Variants in IGF2BP3 observed in about 807,000 individuals in gnomAD.
The protein encoded by IGF2BP3 is insulin like growth factor 2 mRNA binding protein 3.
In IGF2BP3, 9 loss-of-function variants were observed where a neutral mutation model predicts 73.8. The ratio of observed to expected loss-of-function variants is 0.12; its 90% CI spans 0.07 to 0.21. The LOEUF (loss-of-function observed/expected upper bound fraction) is 0.21. IGF2BP3 is among the 10% of genes least tolerant of loss of function. The pLI, the probability that IGF2BP3 is intolerant of heterozygous loss-of-function variation, is 1.00. For synonymous variants in IGF2BP3, 258 were observed against 256.7 expected (o/e 1.01, Z -0.05); for missense variants, 542 against 714.0 (o/e 0.76, Z 2.75).
intron 3 of IGF2BP3, among the ~76,000 whole-genome samples, chr7:23,379,226 G>A (rs1785829075): frequency 6.6e-6 from 1 of 152,166 alleles, no homozygotes; most frequent in South Asian, 2.1e-4. Flanking sequence ...AGTTCTACAA[G>A]GCAAACCAAG....
chr7:23,415,105 G>A (rs1000127672), intron 3 of IGF2BP3: 19 of 206,820 alleles, frequency 9.2e-5, no homozygotes, highest in African/African-American at 3.7e-4. Context: ...AGCAGGTCCC[G>A]TCCGTCAGTC....
At chr7:23,394,667 T>G (rs560853462) in intron 3 of IGF2BP3, 1 of 152,230 alleles carries the variant, frequency 6.6e-6, no homozygotes, top group Non-Finnish European at 1.5e-5. Flanking sequence ...GCAGGCTCCA[T>G]CATGCGCTAC....
intron 6 of IGF2BP3, among the ~76,000 whole-genome samples, chr7:23,350,059 G>A (rs775847013): frequency 6.6e-6 from 1 of 152,230 alleles, no homozygotes; most frequent in African/African-American, 2.4e-5. Context: ...CAAAGCAGGG[G>A]AAGGCAGGAT....
intron 5 of IGF2BP3, among the ~76,000 whole-genome samples, chr7:23,354,232 A>T (rs1248956676): frequency 3.9e-5 from 6 of 152,186 alleles, no homozygotes; most frequent in African/African-American, 1.4e-4. Context: ...ACCTCAGGTG[A>T]TCCACCCACC....
At chr7:23,372,317 C>CA (rs958025818) in intron 3 of IGF2BP3, among the ~76,000 whole-genome samples, 2 of 149,906 alleles carry the variant, frequency 1.3e-5, no homozygotes, top group African/African-American at 2.5e-5. Flanking sequence ...TCGTGATCTG[C>CA]CCCCCCTGGC....
At chr7:23,452,246 C>T (rs55857686) in intron 2 of IGF2BP3, among the ~76,000 whole-genome samples, 2,957 of 152,094 alleles carry the variant, frequency 0.019, 97 homozygotes, top group African/African-American at 0.068. Flanking sequence ...CCTCGTGATC[C>T]GCCTGCCTCA....
chr7:23,400,881 T>C (rs962745350), intron 3 of IGF2BP3, among the ~76,000 whole-genome samples: 1 of 152,222 alleles, frequency 6.6e-6, no homozygotes, highest in African/African-American at 2.4e-5. Flanking sequence ...CCCACTGCAG[T>C]ATCCACCTCC....
intron 2 of IGF2BP3, among the ~76,000 whole-genome samples, chr7:23,445,357 T>A (rs888578697): frequency 5.9e-5 from 9 of 151,790 alleles, no homozygotes; most frequent in African/African-American, 2.2e-4. Flanking sequence ...TTAGTTCCTA[T>A]GGGTGTTTCG....
intron 2 of IGF2BP3, among the ~76,000 whole-genome samples, chr7:23,441,378 T>C (rs911456597): frequency 2.6e-5 from 4 of 151,672 alleles, no homozygotes; most frequent in Admixed American, 1.3e-4. Context: ...ATCGAGACCA[T>C]CCTGGCCAAC....
chr7:23,339,360 G>A (rs1784651857), intron 10 of IGF2BP3, among the ~76,000 whole-genome samples: 1 of 152,148 alleles, frequency 6.6e-6, no homozygotes, highest in Non-Finnish European at 1.5e-5. Context: ...TTCTTAATAT[G>A]ATCTCACTTC....
chr7:23,409,426 CAAAGT>C (rs1341521276), intron 3 of IGF2BP3, among the ~76,000 whole-genome samples: 1 of 151,940 alleles, frequency 6.6e-6, no homozygotes, highest in Admixed American at 6.6e-5. Flanking sequence ...CGTGGAAAAG[CAAAGT>C]AAAGACAATA....
intron 2 of IGF2BP3, among the ~76,000 whole-genome samples, chr7:23,440,021 TG>T (rs1787894496): frequency 6.6e-6 from 1 of 152,146 alleles, no homozygotes; most frequent in Admixed American, 6.6e-5. Context: ...CACAGCACTT[TG>T]GGAGGCCGAG....
chr7:23,379,357 G>C (rs749682482), intron 3 of IGF2BP3, among the ~76,000 whole-genome samples: 1 of 152,168 alleles, frequency 6.6e-6, no homozygotes, highest in Non-Finnish European at 1.5e-5. Flanking sequence ...AAGTCCACAA[G>C]TACTGCTTTT....
chr7:23,330,889 C>G (rs10279941), intron 10 of IGF2BP3, among the ~76,000 whole-genome samples: 56,034 of 152,112 alleles, frequency 0.37, 10,497 homozygotes, highest in Middle Eastern at 0.5. Flanking sequence ...CCTCCGCCTT[C>G]CAAGTTCAAG....
At chr7:23,386,653 G>A (rs1786091890) in intron 3 of IGF2BP3, among the ~76,000 whole-genome samples, 1 of 152,132 alleles carries the variant, frequency 6.6e-6, no homozygotes, top group African/African-American at 2.4e-5. Flanking sequence ...TTATGTAGAC[G>A]GTCCACCCTC....
chr7:23,423,559 G>A (rs1787411171), intron 2 of IGF2BP3, among the ~76,000 whole-genome samples: 1 of 152,006 alleles, frequency 6.6e-6, no homozygotes, highest in Non-Finnish European at 1.5e-5. Flanking sequence ...TAACAACAGG[G>A]ACTAATTAGG....
Position 23,417,059 on chromosome 7 carries a change from A to AAAAC in IGF2BP3, c.285+1713_285+1716dup, listed in dbSNP as rs757029053. ...CAATGAGAGCGAAACTCCATCTCAA[A>AAAAC]AAACAAACAAACAAACAAACAAAAA... is the stretch of plus-strand genomic sequence containing the variant. On this transcript the variant is annotated intron_variant, in intron 3 of 14. Coordinates refer to ENST00000258729, the MANE Select transcript of IGF2BP3 (RefSeq NM_006547.3). 2.5e-4 allele frequency among the ~76,000 whole-genome samples: 38 copies of AAAAC among 152,328 alleles called. No individual in the cohort carries two copies. The South Asian group carries it at 5.2e-3, about 21-fold the overall frequency.
chr7:23,444,733 ACT>A (rs1312977193), intron 2 of IGF2BP3, among the ~76,000 whole-genome samples: 7 of 133,258 alleles, frequency 5.3e-5, no homozygotes, highest in South Asian at 2.5e-4. Flanking sequence ...ACAGAGCAAG[ACT>A]CTGTCTCAAA....
chr7:23,418,701 A>AG, intron 3 of IGF2BP3, 75 bp downstream of exon 3: 1 of 941,500 alleles, frequency 1.1e-6, no homozygotes, highest in Non-Finnish European at 1.6e-6. Flanking sequence ...TGAGGAAAGG[A>AG]GAAAAAGCTT....
Sources: gnomAD v4.1 joint callset for allele counts (sites outside exome capture counted in the v4.1 genomes callset) on GRCh38, gnomAD v4.1.1 for gene constraint, MANE v1.5 for transcripts, NCBI Gene and HGNC (gene_info 2026-07-23, HGNC 2026-07-21) for gene names.